Variants in LAMA5 observed in about 807,000 individuals in gnomAD.
The protein encoded by LAMA5 is laminin subunit alpha-5.
LAMA5 carries 260 observed loss-of-function variants against 433.4 expected under a neutral mutation model. The ratio of observed to expected loss-of-function variants is 0.60; its 90% CI spans 0.54 to 0.66. The LOEUF (loss-of-function observed/expected upper bound fraction) is 0.66. Among genes scored for constraint, LAMA5 ranks in the 30% least tolerant of loss-of-function variants. The probability of loss-of-function intolerance (pLI) is 0.00; values close to 1 mark genes in which losing one functional copy is unlikely to be tolerated. For missense variants in LAMA5, 5,378 were observed against 5,258.5 expected, an observed-to-expected ratio of 1.02 and a Z score of -0.70; for synonymous variants, 2,620 against 2,226.6, an observed-to-expected ratio of 1.18 and a Z score of -4.97.
chr20:62,322,267 A>G lies in LAMA5; in HGVS notation c.6346+2T>C. On this transcript the variant is annotated splice_donor_variant, in intron 47 of 79. Coordinates refer to ENST00000252999, the MANE Select transcript of LAMA5 (RefSeq NM_005560.6). LOFTEE classifies it high-confidence loss of function. The stretch of plus-strand genomic sequence containing the variant: ...GCCCTCCTGTGACCGGCCAGCACTC[A>G]CGCCTGCAGCCCTGCTCAGGGAGCC... 6.3e-7 allele frequency: 1 copy of G among 1,591,074 alleles called. No homozygotes were observed.
chr20:62,347,060 C>T (rs1283396985), intron 6 of LAMA5, 32 bp from the exon 7 acceptor site: 2 of 1,563,478 alleles, frequency 1.3e-6, no homozygotes, highest in South Asian at 2.2e-5. Context: ...GGATCAGGCC[C>T]ATCCTGGAGG....
intron 28 of LAMA5, among the ~76,000 whole-genome samples, chr20:62,331,383 G>A (rs1031700035): frequency 1.3e-5 from 2 of 151,950 alleles, no homozygotes; most frequent in Admixed American, 6.5e-5. Flanking sequence ...CCAGGCGTCC[G>A]ACCGAGCCCT....
intron 45 of LAMA5, 74 bp from the exon 46 acceptor site, chr20:62,322,832 C>T: frequency 2.0e-6 from 2 of 979,708 alleles, no homozygotes; most frequent in Non-Finnish European, 2.9e-6. Flanking sequence ...CCCTCCTAAG[C>T]CCTCACTTCA....
Position 62,310,170 on chromosome 20 carries a change from A to G in LAMA5, c.10734+8T>C. ...CCTGCCCTGGCACGCCACCTCTGCC[A>G]GGCTTACTTGCTTCTCGGTCACCTG... On this transcript the variant is annotated splice_region_variant and intron_variant, in intron 77 of 79. Coordinates refer to ENST00000252999, the MANE Select transcript of LAMA5 (RefSeq NM_005560.6). 6.2e-7 allele frequency: 1 copy of G among 1,612,322 alleles called. No homozygotes were observed. The highest frequency in any genetic ancestry group is 1.1e-5 in the South Asian group (1 of 91,082).
intron 51 of LAMA5, chr20:62,319,233 G>A: frequency 7.0e-6 from 4 of 568,796 alleles, no homozygotes; most frequent in Non-Finnish European, 1.2e-5. Context: ...CCTGACACCA[G>A]TCTGCTCAGC....
At chr20:62,356,270 A>G (rs896652258) in intron 2 of LAMA5, 3 of 151,956 alleles carry the variant, frequency 2.0e-5, no homozygotes, top group Non-Finnish European at 2.9e-5. Context: ...GCGCTGGAGG[A>G]CTCCCATCTG....
Position 62,366,961 on chromosome 20 carries a change from G to A in LAMA5, c.285C>T (p.Asn95=). ...VGGPVAGGDP[N]QTIRGQYCDI... ...CCCCTGCGCTCACCCGGATGGTCTG[G>A]TTGGGGTCGCCGCCGGCCACGGGGC... is the stretch of plus-strand genomic sequence containing the variant. The change falls in exon 1 of 80, where the codon AAC becomes AAT. Residue 95 remains asparagine (N), a synonymous_variant. Coordinates refer to ENST00000252999, the MANE Select transcript of LAMA5 (RefSeq NM_005560.6). 7.8e-7 allele frequency: 1 copy of A among 1,274,120 alleles called. No homozygotes were observed. Among genetic ancestry groups the A allele is most frequent in the South Asian group, 3.5e-5 (1 of 28,982 alleles). 78.9% of individuals were successfully genotyped at this position (1,274,120 alleles called of 1,614,324 possible).
Position 62,353,214 on chromosome 20 carries a change from T to G in LAMA5, c.488A>C (p.Asn163Thr), listed in dbSNP as rs1409652693. 1 of 1,592,814 alleles carries G rather than the reference T, an allele frequency of 6.3e-7. No individual in the cohort carries two copies. Among genetic ancestry groups the G allele is most frequent in the African/African-American group, 1.3e-5 (1 of 74,404 alleles). The change falls in exon 3 of 80, where the codon AAC becomes ACC. Residue 163 changes from asparagine (N) to threonine (T), a missense_variant. Physicochemically the swap from Asn to Thr is moderately conservative, Grantham distance 65. Coordinates refer to ENST00000252999, the MANE Select transcript of LAMA5 (RefSeq NM_005560.6). ...CACCCAGAGGTCCGGCCGGGGTGAG[T>G]TGGCAAACTTGATGAGGACGTAGGC... Reference protein sequence around the residue: ...HVAYVLIKFANSPRPDLWVLE... With the variant: ...HVAYVLIKFATSPRPDLWVLE...
chr20:62,324,150 C>A lies in LAMA5; in HGVS notation c.5698G>T (p.Val1900Leu). 2 of 1,556,788 alleles carry A rather than the reference C, an allele frequency of 1.3e-6. No individual in the cohort carries two copies. The highest frequency in any genetic ancestry group is 1.2e-5 in the South Asian group (1 of 82,346). ...GCGCTGGGGTCGTCCCTGCTGCTCACGAAGCCAGCCTGGCAGCGCTCACAG... is the reference window on the plus strand; with the variant it reads ...GCGCTGGGGTCGTCCCTGCTGCTCAAGAAGCCAGCCTGGCAGCGCTCACAG... ...AHCERCQAGFVSSRDDPSAPC... is the reference protein window; with the variant it reads ...AHCERCQAGFLSSRDDPSAPC... The change falls in exon 43 of 80, where the codon GTG becomes TTG. Residue 1900 changes from valine to leucine, a missense_variant. Transcript: ENST00000252999. This position sits in a 1 kb window ranked among gnomAD's most constrained non-coding sequence, Gnocchi z 4.4.
chr20:62,361,324 C>T (rs1055552702), intron 2 of LAMA5, among the ~76,000 whole-genome samples: 8 of 152,206 alleles, frequency 5.3e-5, no homozygotes, highest in Non-Finnish European at 8.8e-5. Flanking sequence ...CCCAGCTCCC[C>T]GCCCTTCTCC....
chr20:62,310,726 GGGTGCTCTGCCCCCTGGTGCTGCC>G lies in LAMA5; in HGVS notation c.10361_10384del (p.Arg3454_His3461del). On this transcript the variant is annotated inframe_deletion, in exon 75 of 80. Transcript: ENST00000252999. ...GCCCACAAAGAGGGTGTGGGGCTGGGGGTGCTCTGCCCCCTGGTGCTGCCGGTGCGGCCCCTCCTGGCTCCAGGC... is the reference window on the plus strand; with the variant it reads ...GCCCACAAAGAGGGTGTGGGGCTGGGGGTGCGGCCCCTCCTGGCTCCAGGC... 1 of 1,593,906 alleles carries G rather than the reference GGGTGCTCTGCCCCCTGGTGCTGCC, an allele frequency of 6.3e-7. No homozygotes were observed. Among genetic ancestry groups the G allele is most frequent in the Non-Finnish European group, 8.5e-7 (1 of 1,173,446 alleles).
rs749649164 is a variant in LAMA5 at position 62,345,768 on chromosome 20, C to T, written c.1477+50G>A. 5 of 1,366,702 alleles carry T rather than the reference C, an allele frequency of 3.7e-6. No homozygotes were observed. The Admixed American group carries it at 1.2e-4, about 32-fold the overall frequency. The allele number at this position is 1,366,702 out of a possible 1,614,324, so 84.7% of individuals were successfully genotyped here. A position where few individuals can be genotyped will look rare whatever the true frequency, so the allele number is the denominator to read the frequency against. On this transcript the variant is annotated intron_variant, in intron 11 of 79. Coordinates refer to ENST00000252999, the MANE Select transcript of LAMA5 (RefSeq NM_005560.6). ...TCCAGGAACTTTCTGTGAAGCCGCC[C>T]CCATGGCTCCAGGGCAGGCCGGGGA... is the stretch of plus-strand genomic sequence containing the variant.
Position 62,335,037 on chromosome 20 carries a change from G to C in LAMA5, c.2466C>G (p.Asp822Glu). The C allele has an allele frequency of 6.2e-7, 1 of 1,612,852 alleles. No individual in the cohort carries two copies. ...KDGFFGLDQA[D>E]YFGCRSCRCD... ...GGCACTCACTGCGGCAGCCAAAATA[G>C]TCAGCCTGATCCAGTCCAAAGAAGC... Residue 822 changes from aspartate to glutamate, a missense_variant, in exon 20 of 80, where the codon GAC becomes GAG. Asp to Glu is a conservative substitution (Grantham distance 45). Transcript: ENST00000252999.
rs377465022 is a variant in LAMA5, at chr20:62,328,872, G to A, written c.4419C>T (p.Thr1473=). Reference sequence around the variant, plus strand: ...TGCAGTTGGGGAAGCCCCAGTATCCGGTGGCACAGCGGGAGCAGTCACGGC... The same window carrying A: ...TGCAGTTGGGGAAGCCCCAGTATCCAGTGGCACAGCGGGAGCAGTCACGGC... ...VIGRDCSRCA[T]GYWGFPNCRP... The change falls in exon 34 of 80, where the codon ACC becomes ACT. Residue 1473 remains threonine, a synonymous_variant. Transcript: ENST00000252999. 32 of 1,611,402 alleles carry A rather than the reference G, an allele frequency of 2.0e-5. No homozygotes were observed. The highest frequency in any genetic ancestry group is 4.5e-5 in the East Asian group (2 of 44,852).
intron 2 of LAMA5, among the ~76,000 whole-genome samples, chr20:62,356,655 T>A (rs1234913615): frequency 6.6e-6 from 1 of 150,912 alleles, no homozygotes; most frequent in Non-Finnish European, 1.5e-5. Context: ...TCACAGGGGG[T>A]GGGCAAGAGC....
Position 62,311,545 on chromosome 20 carries a change from G to A in LAMA5, c.9807-9C>T, listed in dbSNP as rs777260304. On this transcript the variant is annotated splice_polypyrimidine_tract_variant and intron_variant, in intron 71 of 79. Coordinates refer to ENST00000252999, the MANE Select transcript of LAMA5 (RefSeq NM_005560.6). ...GCTGTGGGCCCAGGAGCCTGTGCAG[G>A]GCGGGCAGGCGGTCAGCAGCTGCGG... is the stretch of plus-strand genomic sequence containing the variant. 5.6e-6 allele frequency: 9 copies of A among 1,609,710 alleles called. No individual in the cohort carries two copies. Among genetic ancestry groups the A allele is most frequent in the Middle Eastern group, 1.7e-4 (1 of 6,030 alleles).
intron 40 of LAMA5, 92 bp downstream of exon 40, chr20:62,326,585 G>A (rs1979329146): frequency 9.5e-7 from 1 of 1,050,186 alleles, no homozygotes; most frequent in Non-Finnish European, 1.4e-6. Context: ...CCACCACGGA[G>A]AATGGGCACA....
chr20:62,328,680 G>A (rs565287131), intron 34 of LAMA5, among the ~76,000 whole-genome samples, 164 bp downstream of exon 34: 43 of 152,340 alleles, frequency 2.8e-4, no homozygotes, highest in African/African-American at 9.4e-4. Context: ...CCTTCTGCAT[G>A]GCCCGCAAGC....
intron 2 of LAMA5, among the ~76,000 whole-genome samples, chr20:62,355,018 G>A (rs1437082425): frequency 6.6e-6 from 1 of 152,196 alleles, no homozygotes; most frequent in Non-Finnish European, 1.5e-5. Flanking sequence ...TGCCTGTCCC[G>A]GCCCACACCT....
Sources: allele counts gnomAD v4.1 joint callset (sites outside exome capture counted in the v4.1 genomes callset), GRCh38; gene constraint gnomAD v4.1.1; non-coding constraint Gnocchi (gnomAD v3.1); transcripts MANE v1.5; gene names NCBI Gene and HGNC (gene_info 2026-07-23, HGNC 2026-07-21).